TAF1B: variants seen among roughly 807,000 people sequenced by gnomAD.
TAF1B encodes TATA box-binding protein-associated factor RNA polymerase I subunit B.
Under a neutral mutation model 83.9 loss-of-function variants are expected in TAF1B, and 61 were observed. The ratio of observed to expected loss-of-function variants is 0.73; its 90% CI spans 0.59 to 0.90. TAF1B has a LOEUF of 0.90. TAF1B is among the 40% of genes least tolerant of loss of function. TAF1B has a pLI of 0.00. For missense variants in TAF1B, 625 were observed against 677.0 expected, an observed-to-expected ratio of 0.92 and a Z score of 0.85; for synonymous variants, 221 against 224.6, an observed-to-expected ratio of 0.98 and a Z score of 0.14.
rs142107655 is a variant in TAF1B, at chr2:9,859,756, T to G, written c.399+5335T>G. 4.0e-4 allele frequency among the ~76,000 whole-genome samples: 61 copies of G among 152,324 alleles called. No individual in the cohort carries two copies. The East Asian group carries it at 0.011, about 28-fold the overall frequency. On this transcript the variant is annotated intron_variant, in intron 5 of 14. Transcript: ENST00000263663. ...TTCCAAACTTTCTTTCATCTTCCTG[T>G]CTTCTTCTGAGCCCTGCAAACTGTT...
intron 14 of TAF1B, among the ~76,000 whole-genome samples, chr2:9,924,423 C>A (rs1665974926): frequency 6.6e-6 from 1 of 152,190 alleles, no homozygotes; most frequent in Non-Finnish European, 1.5e-5. Context: ...ATAAATGACA[C>A]CCTTTGACAA....
intron 14 of TAF1B, among the ~76,000 whole-genome samples, chr2:9,920,971 G>C (rs868020897): frequency 6.6e-6 from 1 of 152,062 alleles, no homozygotes; most frequent in Non-Finnish European, 1.5e-5. Flanking sequence ...ATTAATGATC[G>C]GCTCTGTGGC....
intron 5 of TAF1B, among the ~76,000 whole-genome samples, chr2:9,862,461 C>T (rs1663806420): frequency 6.6e-6 from 1 of 152,316 alleles, no homozygotes; most frequent in Non-Finnish European, 1.5e-5. Context: ...ACCAAATCTA[C>T]GTCTTATTGG....
At position 9,894,039 on chromosome 2, in the gene TAF1B, A is replaced by T. The variant is rs143129452; in HGVS notation, c.808-10820A>T. 3.9e-3 allele frequency among the ~76,000 whole-genome samples: 595 copies of T among 152,256 alleles called. 3 individuals are homozygous for T. Among genetic ancestry groups the T allele is most frequent in the African/African-American group, 0.013 (554 of 41,530 alleles). ...ATAAAAGAGAGGAGTAGAAGACAGT[A>T]TGTCATGCATGATTTGTTTGTATAT... On this transcript the variant is annotated intron_variant, in intron 8 of 14. Coordinates refer to ENST00000263663, the MANE Select transcript of TAF1B (RefSeq NM_005680.3).
chr2:9,868,115 T>C (rs1664052171), intron 5 of TAF1B, among the ~76,000 whole-genome samples, 161 bp from the exon 6 acceptor site: 1 of 152,154 alleles, frequency 6.6e-6, no homozygotes, highest in Non-Finnish European at 1.5e-5. Flanking sequence ...TGCTGGGAGC[T>C]GTCAGGAGCG....
At chr2:9,915,170 T>C (rs1156504056) in intron 12 of TAF1B, among the ~76,000 whole-genome samples, 1 of 152,204 alleles carries the variant, frequency 6.6e-6, no homozygotes, top group Non-Finnish European at 1.5e-5. Context: ...TATGCCCTAA[T>C]TGGTGTATAG....
chr2:9,855,318 G>C (rs1331540329), intron 5 of TAF1B, among the ~76,000 whole-genome samples: 2 of 152,124 alleles, frequency 1.3e-5, no homozygotes. Context: ...TTGATGTGTG[G>C]TACAGATGCC....
In TAF1B at chr2:9,888,836, T is replaced by G. The variant is rs913732174; in HGVS notation, c.807+6031T>G. Among the ~76,000 whole-genome samples the G allele has an allele frequency of 4.2e-5, 6 of 144,204 alleles. No homozygotes were observed. The Admixed American group carries it at 4.2e-4, about 10-fold the overall frequency. 94.6% of individuals were successfully genotyped at this position (144,204 alleles called of 152,430 possible). ...TTTTTTTTTTAAGACAAATTTTTGC[T>G]CTTGTCGCCCAGGCTGGAGTGCAGT... On this transcript the variant is annotated intron_variant, in intron 8 of 14. Transcript: ENST00000263663.
rs75140841 is a variant in TAF1B at position 9,915,010 on chromosome 2, A to G, written c.1271+1761A>G. 7.9e-5 allele frequency among the ~76,000 whole-genome samples: 12 copies of G among 152,346 alleles called. No homozygotes were observed. In the East Asian group the frequency reaches 2.3e-3, roughly 29 times the overall value. On this transcript the variant is annotated intron_variant, in intron 12 of 14. Coordinates refer to ENST00000263663, the MANE Select transcript of TAF1B (RefSeq NM_005680.3). ...ATTAAAACATTTTCTATATCTGAGC[A>G]TGGGTTCCTATGCATGAGATTATGA...
chr2:9,932,625 G>T (rs1213910997), intron 14 of TAF1B, among the ~76,000 whole-genome samples: 2 of 152,190 alleles, frequency 1.3e-5, no homozygotes, highest in South Asian at 2.1e-4. Context: ...CTGCACGGGG[G>T]TCAGGGACCC....
chr2:9,876,065 G>A (rs2125151180), intron 7 of TAF1B, 47 bp downstream of exon 7: 2 of 1,499,082 alleles, frequency 1.3e-6, no homozygotes, highest in Non-Finnish European at 1.8e-6. Context: ...GTTACTACAT[G>A]AACTAAGTAG....
intron 1 of TAF1B, 144 bp downstream of exon 1, chr2:9,843,703 T>A: frequency 1.0e-6 from 1 of 961,116 alleles, no homozygotes; most frequent in South Asian, 1.8e-5. Flanking sequence ...CAGGGCGGGC[T>A]AAGGACTGGG....
At chr2:9,899,306 T>G (rs2125166103) in intron 8 of TAF1B, among the ~76,000 whole-genome samples, 1 of 152,344 alleles carries the variant, frequency 6.6e-6, no homozygotes, top group African/African-American at 2.4e-5. Flanking sequence ...CTTAGCATAA[T>G]ATCTTTAAGG....
Position 9,866,642 on chromosome 2 carries a change from G to T in TAF1B, c.400-1634G>T, listed in dbSNP as rs62127129. Among the ~76,000 whole-genome samples the T allele has an allele frequency of 6.7e-3, 1,025 of 152,132 alleles. 17 individuals are homozygous for T. The highest frequency in any genetic ancestry group is 0.023 in the African/African-American group (940 of 41,512). On this transcript the variant is annotated intron_variant, in intron 5 of 14. Transcript: ENST00000263663. ...CTATAAAGACACATGCACACGTATG[G>T]TTATTGCGGCACTATTCACAATAGC...
Position 9,845,276 on chromosome 2 carries a change from T to C in TAF1B, c.75T>C (p.Asp25=), listed in dbSNP as rs1330707869. 1 of 1,613,964 alleles carries C rather than the reference T, an allele frequency of 6.2e-7. No homozygotes were observed. The highest frequency in any genetic ancestry group is 8.5e-7 in the Non-Finnish European group (1 of 1,179,870). The change falls in exon 2 of 15, where the codon GAT becomes GAC. Residue 25 remains aspartate, a synonymous_variant. Coordinates refer to ENST00000263663, the MANE Select transcript of TAF1B (RefSeq NM_005680.3). The part of the protein sequence containing the change: ...QCAAVSWGLT[D]EGKYYCTSCH... ...CTGCTGTCTCATGGGGTCTTACTGA[T>C]GAAGGCAAATATTATTGCACTTCTT... is the stretch of plus-strand genomic sequence containing the variant.
chr2:9,895,224 G>T (rs928587922), intron 8 of TAF1B, among the ~76,000 whole-genome samples: 1 of 152,244 alleles, frequency 6.6e-6, no homozygotes, highest in East Asian at 1.9e-4. Context: ...TTGTGGTTAG[G>T]CATGGTGGCT....
At chr2:9,852,058 A>C (rs1663413206) in intron 4 of TAF1B, 1 of 471,594 alleles carries the variant, frequency 2.1e-6, no homozygotes, top group Non-Finnish European at 4.4e-6. Context: ...CACAGAATGC[A>C]CTTTGGACAG....
In TAF1B at chr2:9,913,265, T is replaced by C; in HGVS notation, c.1271+16T>C. The C allele has an allele frequency of 6.3e-7, 1 of 1,593,918 alleles. No homozygotes were observed. The highest frequency in any genetic ancestry group is 8.6e-7 in the Non-Finnish European group (1 of 1,162,476). ...CAAGGGCCAAGTATGTTCTCCTTCC[T>C]GGTTTAGATGCACCTGCCTTACTTC... On this transcript the variant is annotated intron_variant, in intron 12 of 14. Transcript: ENST00000263663.
In TAF1B at chr2:9,904,983, AC is replaced by A. The variant is rs1393220330; in HGVS notation, c.933del (p.Leu312Ter). On this transcript the variant is annotated frameshift_variant, in exon 9 of 15. Transcript: ENST00000263663. LOFTEE classifies it high-confidence loss of function. ...CATCCCAACATACTGTGTATGAAAT[AC>A]TTGATGGAAGTCAACCTCCCTGGTA... ...YLHPNILCMK[Y>X]LMEVNLPDEM... 1 of 1,612,566 alleles carries A rather than the reference AC, an allele frequency of 6.2e-7. No homozygotes were observed. The highest frequency in any genetic ancestry group is 8.5e-7 in the Non-Finnish European group (1 of 1,178,756).
Sources: gnomAD v4.1 joint callset for allele counts (sites outside exome capture counted in the v4.1 genomes callset) on GRCh38, gnomAD v4.1.1 for gene constraint, MANE v1.5 for transcripts, NCBI Gene and HGNC (gene_info 2026-07-23, HGNC 2026-07-21) for gene names.